Variants in C10orf95 observed in about 807,000 individuals in gnomAD.
The protein encoded by C10orf95 is chromosome 10 open reading frame 95.
For missense variants in C10orf95, 412 were observed against 327.4 expected, an observed-to-expected ratio of 1.26 and a Z score of -1.99; for synonymous variants, 188 against 160.4, an observed-to-expected ratio of 1.17 and a Z score of -1.30.
chr10:102,450,695 G>T lies in C10orf95; in HGVS notation c.399C>A (p.Pro133=). Residue 133 remains proline, a synonymous_variant, in exon 2 of 2, where the codon CCC becomes CCA. Transcript: ENST00000625129. ...GCACGAAGTCCGGTAGCTGCAGAGG[G>T]GGGCCCCGCGCGCGCTCCACGCGGC... The part of the protein sequence containing the change: ...RWGRVERARG[P]PLQLPDFVRR... The T allele has an allele frequency of 2.4e-6, 3 of 1,251,580 alleles. No individual in the cohort carries two copies. Among genetic ancestry groups the T allele is most frequent in the African/African-American group, 1.6e-5 (1 of 63,452 alleles). The allele number at this position is 1,251,580 out of a possible 1,614,324, so 77.5% of individuals were successfully genotyped here. A position where few individuals can be genotyped will look rare whatever the true frequency, so the allele number is the denominator to read the frequency against.
At chr10:102,451,290 T>G (rs1424394120) in intron 1 of C10orf95, 96 bp downstream of exon 1, 25 of 1,458,148 alleles carry the variant, frequency 1.7e-5, no homozygotes, top group Non-Finnish European at 2.2e-5. Context: ...TAGCCTCTTG[T>G]CCCAAGGTCG....
At position 102,450,916 on chromosome 10, in the gene C10orf95, G is replaced by C; in HGVS notation, c.178C>G (p.Arg60Gly). 2 of 1,241,600 alleles carry C rather than the reference G, an allele frequency of 1.6e-6. No homozygotes were observed. Among genetic ancestry groups the C allele is most frequent in the South Asian group, 7.7e-5 (2 of 26,040 alleles). 76.9% of individuals were successfully genotyped at this position (1,241,600 alleles called of 1,614,324 possible). The part of the protein sequence containing the change: ...GEWAAPREYH[R>G]FYGPAAPPEA... Reference sequence around the variant, plus strand: ...GGTGGCGCGGCGGGGCCGTAGAAGCGGTGGTATTCCCGTGGGGCCGCCCAC... The same window carrying C: ...GGTGGCGCGGCGGGGCCGTAGAAGCCGTGGTATTCCCGTGGGGCCGCCCAC... Residue 60 changes from arginine to glycine, a missense_variant, in exon 2 of 2, where the codon CGC (arginine) becomes GGC (glycine). Physicochemically the swap from Arg to Gly is moderately radical, Grantham distance 125. Coordinates refer to ENST00000625129, the MANE Select transcript of C10orf95 (RefSeq NM_001363580.1).
intron 1 of C10orf95, 37 bp from the exon 2 acceptor site, chr10:102,451,184 A>C: frequency 6.8e-7 from 1 of 1,466,240 alleles, no homozygotes; most frequent in Non-Finnish European, 9.0e-7. Flanking sequence ...CAGACTTTCT[A>C]CTTAACCGCC....
At position 102,450,681 on chromosome 10, in the gene C10orf95, G is replaced by C. The variant is rs2061686304; in HGVS notation, c.413C>G (p.Pro138Arg). ...CCGCAGCTCCCGGCGCACGAAGTCC[G>C]GTAGCTGCAGAGGGGGGCCCCGCGC... Reference protein sequence around the residue: ...ERARGPPLQLPDFVRRELRRA... With the variant: ...ERARGPPLQLRDFVRRELRRA... The change falls in exon 2 of 2, where the codon CCG (proline) becomes CGG (arginine). Residue 138 changes from proline (P) to arginine (R), a missense_variant. Physicochemically the swap from Pro to Arg is moderately radical, Grantham distance 103 (BLOSUM62 -2). Transcript: ENST00000625129. 3 of 1,234,828 alleles carry C rather than the reference G, an allele frequency of 2.4e-6. No homozygotes were observed. Among genetic ancestry groups the C allele is most frequent in the Non-Finnish European group, 3.0e-6 (3 of 989,826 alleles). 76.5% of individuals were successfully genotyped at this position (1,234,828 alleles called of 1,614,324 possible).
intron 1 of C10orf95, 92 bp downstream of exon 1, chr10:102,451,294 A>G (rs1161089120): frequency 1.7e-5 from 25 of 1,462,268 alleles, no homozygotes; most frequent in Non-Finnish European, 2.2e-5. Flanking sequence ...CTCTTGTCCC[A>G]AGGTCGGGCA....
chr10:102,451,352 G>A (rs746463039), intron 1 of C10orf95, 34 bp downstream of exon 1: 1 of 1,562,142 alleles, frequency 6.4e-7, no homozygotes, highest in Non-Finnish European at 8.7e-7. Context: ...CAAGCCCTCC[G>A]CCGGGATGCT....
In C10orf95 at chr10:102,451,518, G is replaced by A. The variant is rs781000936; in HGVS notation, c.-187C>T. On this transcript the variant is annotated 5_prime_UTR_variant, in exon 1 of 2. Coordinates refer to ENST00000625129, the MANE Select transcript of C10orf95 (RefSeq NM_001363580.1). The stretch of plus-strand genomic sequence containing the variant: ...GTTACCAGGCAAAAGGAAACACCTT[G>A]AGCTGGCCAGGAGCTACCAGCGTCT... 7.4e-7 allele frequency: 1 copy of A among 1,345,934 alleles called. No homozygotes were observed. The highest frequency in any genetic ancestry group is 9.8e-7 in the Non-Finnish European group (1 of 1,018,440). The allele number at this position is 1,345,934 out of a possible 1,614,324, so 83.4% of individuals were successfully genotyped here. A position where few individuals can be genotyped will look rare whatever the true frequency, so the allele number is the denominator to read the frequency against.
chr10:102,450,340 G>T lies in C10orf95; in HGVS notation c.*112C>A. 8.6e-7 allele frequency: 1 copy of T among 1,160,404 alleles called. No homozygotes were observed. The highest frequency in any genetic ancestry group is 1.2e-6 in the Non-Finnish European group (1 of 809,028). 71.9% of individuals were successfully genotyped at this position (1,160,404 alleles called of 1,614,324 possible). A position where few individuals can be genotyped will look rare whatever the true frequency, so the allele number is the denominator to read the frequency against. On this transcript the variant is annotated 3_prime_UTR_variant, in exon 2 of 2. Coordinates refer to ENST00000625129, the MANE Select transcript of C10orf95 (RefSeq NM_001363580.1). ...GAAGCCAAAAAGACAGGTGAGCAGC[G>T]CGTCCGCCTCCCGCGCACAGGTGAG... is the stretch of plus-strand genomic sequence containing the variant.
chr10:102,450,627 T>A lies in C10orf95; in HGVS notation c.467A>T (p.Asp156Val). ...GCCGCGGCGCTGGGTGACGCGCACG[T>A]CGGCGCGGGGGTAGGTGCCGTACGC... ...RRAYGTYPRA[D>V]VRVTQRRGQF... Residue 156 changes from aspartate to valine, a missense_variant, in exon 2 of 2, where the codon GAC (aspartate) becomes GTC (valine). By Grantham distance (152) the Asp-to-Val change is radical. Coordinates refer to ENST00000625129, the MANE Select transcript of C10orf95 (RefSeq NM_001363580.1). 1.6e-6 allele frequency: 2 copies of A among 1,237,152 alleles called. No homozygotes were observed. The highest frequency in any genetic ancestry group is 6.6e-5 in the South Asian group (2 of 30,214). The allele number at this position is 1,237,152 out of a possible 1,614,324, so 76.6% of individuals were successfully genotyped here. A position where few individuals can be genotyped will look rare whatever the true frequency, so the allele number is the denominator to read the frequency against.
Position 102,450,742 on chromosome 10 carries a change from G to T in C10orf95, c.352C>A (p.Leu118Met). The change falls in exon 2 of 2, where the codon CTG becomes ATG. Residue 118 changes from leucine to methionine, a missense_variant. Transcript: ENST00000625129. ...CGGCCCCAGCGCAGCTCGGTTTGCA[G>T]GCTCCCGCCCTCCGGCCACGGCGCC... ...SWAPWPEGGS[L>M]QTELRWGRVE... The T allele has an allele frequency of 7.6e-7, 1 of 1,317,828 alleles. No homozygotes were observed. The highest frequency in any genetic ancestry group is 9.7e-7 in the Non-Finnish European group (1 of 1,029,158). The allele number at this position is 1,317,828 out of a possible 1,614,324, so 81.6% of individuals were successfully genotyped here.
At position 102,451,087 on chromosome 10, in the gene C10orf95, C is replaced by T; in HGVS notation, c.7G>A (p.Val3Met). 7.0e-7 allele frequency: 1 copy of T among 1,438,822 alleles called. No individual in the cohort carries two copies. The highest frequency in any genetic ancestry group is 9.1e-7 in the Non-Finnish European group (1 of 1,098,864). The allele number at this position is 1,438,822 out of a possible 1,614,324, so 89.1% of individuals were successfully genotyped here. Residue 3 changes from valine (V) to methionine (M), a missense_variant, in exon 2 of 2, where the codon GTG (valine) becomes ATG (methionine). By Grantham distance (21) the Val-to-Met change is conservative (BLOSUM62 1). Coordinates refer to ENST00000625129, the MANE Select transcript of C10orf95 (RefSeq NM_001363580.1). ...TGTTTGGGCGGCGGCCAGCTGTACA[C>T]ATACATGGTCGGCCCCCCAGGCGGC... MY[V>M]YSWPPPKQGV...
Position 102,451,079 on chromosome 10 carries a change from G to T in C10orf95, c.15C>A (p.Ser5Arg), listed in dbSNP as rs901712519. 2.1e-6 allele frequency: 3 copies of T among 1,406,566 alleles called. No individual in the cohort carries two copies. Among genetic ancestry groups the T allele is most frequent in the Non-Finnish European group, 2.8e-6 (3 of 1,081,752 alleles). 87.1% of individuals were successfully genotyped at this position (1,406,566 alleles called of 1,614,324 possible). ...AGACGCCCTGTTTGGGCGGCGGCCAGCTGTACACATACATGGTCGGCCCCC... is the reference window on the plus strand; with the variant it reads ...AGACGCCCTGTTTGGGCGGCGGCCATCTGTACACATACATGGTCGGCCCCC... MYVY[S>R]WPPPKQGVWP... The change falls in exon 2 of 2, where the codon AGC becomes AGA. Residue 5 changes from serine to arginine, a missense_variant. Transcript: ENST00000625129.
At position 102,450,720 on chromosome 10, in the gene C10orf95, C is replaced by T. The variant is rs1282079711; in HGVS notation, c.374G>A (p.Gly125Asp). ...GGGGCCCCGCGCGCGCTCCACGCGG[C>T]CCCAGCGCAGCTCGGTTTGCAGGCT... ...GGSLQTELRW[G>D]RVERARGPPL... The change falls in exon 2 of 2, where the codon GGC becomes GAC. Residue 125 changes from glycine to aspartate, a missense_variant. By Grantham distance (94) the Gly-to-Asp change is moderately conservative. Transcript: ENST00000625129. 5 of 1,308,562 alleles carry T rather than the reference C, an allele frequency of 3.8e-6. No homozygotes were observed. The highest frequency in any genetic ancestry group is 1.9e-5 in the South Asian group (1 of 52,486). The allele number at this position is 1,308,562 out of a possible 1,614,324, so 81.1% of individuals were successfully genotyped here.
Position 102,451,145 on chromosome 10 carries a change from G to C in C10orf95, c.-52C>G, listed in dbSNP as rs770935419. 30 of 1,442,294 alleles carry C rather than the reference G, an allele frequency of 2.1e-5. No homozygotes were observed. Among genetic ancestry groups the C allele is most frequent in the Non-Finnish European group, 2.4e-5 (26 of 1,100,800 alleles). The allele number at this position is 1,442,294 out of a possible 1,614,324, so 89.3% of individuals were successfully genotyped here. On this transcript the variant is annotated splice_region_variant and 5_prime_UTR_variant, in exon 2 of 2. Transcript: ENST00000625129. ...CTTACTGGGGGCTCCTGCGGATCCA[G>C]ACCTGCGGCGGAGGAAGGGATATGT... is the stretch of plus-strand genomic sequence containing the variant.
In C10orf95 at chr10:102,450,594, A is replaced by C; in HGVS notation, c.500T>G (p.Leu167Arg). ...GAGCACGCGCGGCGTCGCCTGCAGCAGGAACTGGCCGCGGCGCTGGGTGAC... is the reference window on the plus strand; with the variant it reads ...GAGCACGCGCGGCGTCGCCTGCAGCCGGAACTGGCCGCGGCGCTGGGTGAC... ...VRVTQRRGQF[L>R]LQATPRVLEP... Residue 167 changes from leucine to arginine, a missense_variant, in exon 2 of 2, where the codon CTG (leucine) becomes CGG (arginine). Coordinates refer to ENST00000625129, the MANE Select transcript of C10orf95 (RefSeq NM_001363580.1). The C allele has an allele frequency of 7.9e-7, 1 of 1,271,668 alleles. No homozygotes were observed. The highest frequency in any genetic ancestry group is 9.9e-7 in the Non-Finnish European group (1 of 1,013,194). 78.8% of individuals were successfully genotyped at this position (1,271,668 alleles called of 1,614,324 possible). A position where few individuals can be genotyped will look rare whatever the true frequency, so the allele number is the denominator to read the frequency against.
chr10:102,450,907 C>T lies in C10orf95; in HGVS notation c.187G>A (p.Gly63Ser), dbSNP rs771360324. The T allele has an allele frequency of 2.6e-5, 32 of 1,237,744 alleles. No individual in the cohort carries two copies. The South Asian group carries it at 5.1e-4, about 20-fold the overall frequency. The allele number at this position is 1,237,744 out of a possible 1,614,324, so 76.7% of individuals were successfully genotyped here. The stretch of plus-strand genomic sequence containing the variant: ...GCGGCCTCGGGTGGCGCGGCGGGGC[C>T]GTAGAAGCGGTGGTATTCCCGTGGG... ...AAPREYHRFY[G>S]PAAPPEAAPP... Residue 63 changes from glycine to serine, a missense_variant, in exon 2 of 2, where the codon GGC (glycine) becomes AGC (serine). Transcript: ENST00000625129.
At chr10:102,451,332 G>A (rs2061691795) in intron 1 of C10orf95, 54 bp downstream of exon 1, 15 of 1,549,070 alleles carry the variant, frequency 9.7e-6, no homozygotes, top group Admixed American at 1.8e-5. Flanking sequence ...CAGACAATAA[G>A]GAGCCTTTTC....
rs753672910 is a variant in C10orf95 at position 102,451,048 on chromosome 10, G to A, written c.46C>T (p.Pro16Ser). Residue 16 changes from proline (P) to serine (S), a missense_variant, in exon 2 of 2, where the codon CCG becomes TCG. Pro to Ser is a moderately conservative substitution (Grantham distance 74, BLOSUM62 -1). Transcript: ENST00000625129. ...GTGCAGGTGAGCAGCTGCGGCGGCGGCGGCCAGACGCCCTGTTTGGGCGGC... is the reference window on the plus strand; with the variant it reads ...GTGCAGGTGAGCAGCTGCGGCGGCGACGGCCAGACGCCCTGTTTGGGCGGC... ...WPPPKQGVWP[P>S]PPQLLTCTYL... The A allele has an allele frequency of 3.2e-5, 44 of 1,358,316 alleles. No homozygotes were observed. The highest frequency in any genetic ancestry group is 3.6e-5 in the Non-Finnish European group (38 of 1,054,306). The allele number at this position is 1,358,316 out of a possible 1,614,324, so 84.1% of individuals were successfully genotyped here.
chr10:102,449,981 G>T lies in C10orf95; in HGVS notation c.*471C>A, dbSNP rs2061681225. On this transcript the variant is annotated 3_prime_UTR_variant, in exon 2 of 2. Transcript: ENST00000625129. ...CCGGCCTATTTACTTTTCTTACTAA[G>T]CTGGGGATCACCGTCGCCCTCGGCT... 4 of 258,420 alleles carry T rather than the reference G, an allele frequency of 1.5e-5. No homozygotes were observed. The highest frequency in any genetic ancestry group is 3.2e-5 in the Non-Finnish European group (4 of 123,458). The allele number at this position is 258,420 out of a possible 1,614,324, so 16.0% of individuals were successfully genotyped here. A position where few individuals can be genotyped will look rare whatever the true frequency, so the allele number is the denominator to read the frequency against.
Sources: allele counts gnomAD v4.1 joint callset, GRCh38; gene constraint gnomAD v4.1.1; transcripts MANE v1.5; gene names NCBI Gene and HGNC (gene_info 2026-07-23, HGNC 2026-07-21).